The following RBFOX1 variants were observed in gnomAD, a reference collection of about 807,000 sequenced individuals.
RBFOX1 encodes RNA binding protein fox-1 homolog 1.
RBFOX1 carries 8 observed loss-of-function variants against 57.7 expected under a neutral mutation model. The observed-to-expected ratio is 0.14, with a 90% confidence interval of 0.08 to 0.25. RBFOX1 has a LOEUF of 0.25. Ranked by LOEUF, RBFOX1 falls within the 10% of genes least tolerant of loss-of-function variation. The pLI, the probability that RBFOX1 is intolerant of heterozygous loss-of-function variation, is 1.00. For missense variants in RBFOX1, 611 were observed against 548.5 expected, an observed-to-expected ratio of 1.11 and a Z score of -1.14; for synonymous variants, 326 against 222.4, an observed-to-expected ratio of 1.47 and a Z score of -4.15.
At chr16:6,683,296 G>C (rs2058946589) in intron 3 of RBFOX1, among the ~76,000 whole-genome samples, 1 of 152,096 alleles carries the variant, frequency 6.6e-6, no homozygotes, top group African/African-American at 2.4e-5. Context: ...AATGACCCTT[G>C]AGACCTTTAA....
intron 3 of RBFOX1, among the ~76,000 whole-genome samples, chr16:6,968,952 A>T (rs1568140458): frequency 6.6e-6 from 1 of 152,024 alleles, no homozygotes; most frequent in Non-Finnish European, 1.5e-5. Flanking sequence ...TGACCAGATT[A>T]GTGGGTGCTC....
chr16:7,246,906 C>G lies in RBFOX1; in HGVS notation c.27+194808C>G, dbSNP rs149309929. Among the ~76,000 whole-genome samples the G allele has an allele frequency of 4.4e-4, 67 of 152,228 alleles. No homozygotes were observed. In the East Asian group the frequency reaches 0.012, roughly 26 times the overall value. On this transcript the variant is annotated intron_variant, in intron 4 of 15. Transcript: ENST00000550418. ...ACGAGACAGGAAAGTTATACAACCT[C>G]CCTAAACCTCAATTTTCCCATTTTA...
intron 1 of RBFOX1, among the ~76,000 whole-genome samples, chr16:6,292,444 A>G (rs17221054): frequency 0.2 from 29,644 of 151,748 alleles, 3,047 homozygotes; most frequent in African/African-American, 0.21. Context: ...AGAGTTTACC[A>G]AGAAATTAAA....
At chr16:6,935,121 A>G (rs1258845630) in intron 3 of RBFOX1, among the ~76,000 whole-genome samples, 2 of 152,114 alleles carry the variant, frequency 1.3e-5, no homozygotes, top group Non-Finnish European at 2.9e-5. Context: ...AAAACAGCTT[A>G]TTTAACCTAT....
intron 4 of RBFOX1, among the ~76,000 whole-genome samples, chr16:5,964,819 C>A (rs2059813575): frequency 1.3e-5 from 2 of 151,118 alleles, no homozygotes. Flanking sequence ...ATTTATATAC[C>A]ATATACACGT....
intron 3 of RBFOX1, among the ~76,000 whole-genome samples, chr16:6,849,629 A>G (rs1778685586): frequency 6.6e-6 from 1 of 152,226 alleles, no homozygotes; most frequent in Non-Finnish European, 1.5e-5. Context: ...AGATTGTACC[A>G]CTGTACTGCA....
At chr16:7,334,098 G>T (rs920643971) in intron 4 of RBFOX1, among the ~76,000 whole-genome samples, 1 of 151,986 alleles carries the variant, frequency 6.6e-6, no homozygotes, top group Non-Finnish European at 1.5e-5. Context: ...CAATTTCTGG[G>T]AACCATTCTG....
chr16:5,549,277 C>G (rs1012703394), intron 2 of RBFOX1, among the ~76,000 whole-genome samples: 2 of 152,198 alleles, frequency 1.3e-5, no homozygotes, highest in African/African-American at 4.8e-5. Flanking sequence ...ATACTTCTGT[C>G]TGTCTCACTC....
intron 4 of RBFOX1, among the ~76,000 whole-genome samples, chr16:7,286,627 T>C (rs1414221349): frequency 3.5e-5 from 5 of 140,856 alleles, no homozygotes; most frequent in Admixed American, 7.1e-5. Flanking sequence ...TTTTTTTTTT[T>C]TTTTTTTTTT....
At chr16:5,473,732 T>G (rs2151627004) in intron 2 of RBFOX1, among the ~76,000 whole-genome samples, 1 of 123,016 alleles carries the variant, frequency 8.1e-6, no homozygotes, top group Admixed American at 8.7e-5. Flanking sequence ...GATGGATGGA[T>G]GAATAGAAGG....
intron 4 of RBFOX1, among the ~76,000 whole-genome samples, chr16:7,173,928 A>T (rs1481232888): frequency 6.6e-6 from 1 of 152,202 alleles, no homozygotes; most frequent in African/African-American, 2.4e-5. Context: ...AACGTATCCC[A>T]CCCTGGGTGA....
At chr16:7,270,780 C>G (rs994612898) in intron 4 of RBFOX1, among the ~76,000 whole-genome samples, 52 of 152,170 alleles carry the variant, frequency 3.4e-4, no homozygotes, top group African/African-American at 1.2e-3. Context: ...TGTTAGCTGG[C>G]TAGCTCTCTT....
At chr16:7,134,923 TA>T (rs2071496295) in intron 4 of RBFOX1, among the ~76,000 whole-genome samples, 1 of 151,932 alleles carries the variant, frequency 6.6e-6, no homozygotes, top group Non-Finnish European at 1.5e-5. Flanking sequence ...CCGTTGAATT[TA>T]TCTTTTTTTT....
rs138273575 is a variant in RBFOX1 at position 6,640,833 on chromosome 16, C to T, written c.-63-13770C>T. ...CTGGGCCTCTCTGACTAGTCCCTGTCATGTTCTAGCCCCATCTTAGGATTA... is the reference window on the plus strand; with the variant it reads ...CTGGGCCTCTCTGACTAGTCCCTGTTATGTTCTAGCCCCATCTTAGGATTA... On this transcript the variant is annotated intron_variant, in intron 2 of 15. Coordinates refer to ENST00000550418, the MANE Select transcript of RBFOX1 (RefSeq NM_018723.4). Among the ~76,000 whole-genome samples the T allele has an allele frequency of 5.8e-3, 886 of 152,176 alleles. 10 individuals are homozygous for T. The highest frequency in any genetic ancestry group is 0.02 in the African/African-American group (848 of 41,528).
At chr16:7,478,509 G>C (rs1032798583) in intron 4 of RBFOX1, among the ~76,000 whole-genome samples, 1 of 152,188 alleles carries the variant, frequency 6.6e-6, no homozygotes, top group Non-Finnish European at 1.5e-5. Flanking sequence ...TAGAGAGGGG[G>C]AGTCCCTGGT....
At chr16:5,521,283 G>A (rs1386507903) in intron 2 of RBFOX1, among the ~76,000 whole-genome samples, 6 of 117,844 alleles carry the variant, frequency 5.1e-5, no homozygotes, top group Non-Finnish European at 8.1e-5. Context: ...CTCAAGGGAG[G>A]CCCCTCAAGT....
At chr16:6,353,870 C>G (rs2086823902) in intron 2 of RBFOX1, among the ~76,000 whole-genome samples, 1 of 152,164 alleles carries the variant, frequency 6.6e-6, no homozygotes. Context: ...CCTGCTTTTC[C>G]TGCCTTCAGT....
At chr16:5,839,282 C>G (rs2056552409) in intron 3 of RBFOX1, among the ~76,000 whole-genome samples, 1 of 152,186 alleles carries the variant, frequency 6.6e-6, no homozygotes, top group Non-Finnish European at 1.5e-5. Flanking sequence ...CAAAAAATCA[C>G]AGCAAATCAG....
intron 4 of RBFOX1, among the ~76,000 whole-genome samples, chr16:7,301,467 C>T (rs765648007): frequency 3.9e-5 from 6 of 152,132 alleles, no homozygotes; most frequent in Non-Finnish European, 7.4e-5. Context: ...AAGGGAATGT[C>T]AGAGCCGTTA....
Sources: gnomAD v4.1 joint callset for allele counts (sites outside exome capture counted in the v4.1 genomes callset) on GRCh38, gnomAD v4.1.1 for gene constraint, MANE v1.5 for transcripts, NCBI Gene and HGNC (gene_info 2026-07-23, HGNC 2026-07-21) for gene names.